Variants in NLGN1 observed in about 807,000 individuals in gnomAD.
NLGN1 encodes neuroligin-1.
In NLGN1, 12 loss-of-function variants were observed where a neutral mutation model predicts 65.5. The ratio of observed to expected loss-of-function variants is 0.18; its 90% CI spans 0.12 to 0.30. The LOEUF (loss-of-function observed/expected upper bound fraction) is 0.30, where lower values mean the gene tolerates loss of function less well. Among genes scored for constraint, NLGN1 ranks in the 10% least tolerant of loss-of-function variants. The pLI is 1.00. For missense variants in NLGN1, 750 were observed against 1,007.1 expected (o/e 0.74, Z 3.46); for synonymous variants, 350 against 359.5 (o/e 0.97, Z 0.30).
chr3:174,066,564 C>CTCTCTCTCTGTG (rs1553925385), intron 4 of NLGN1, among the ~76,000 whole-genome samples: 51 of 100,078 alleles, frequency 5.1e-4, no homozygotes, highest in African/African-American at 1.1e-3. Context: ...CTCTCTCTCT[C>CTCTCTCTCTGTG]TGTGTGTGTG....
At chr3:173,880,320 A>C (rs939547840) in intron 4 of NLGN1, among the ~76,000 whole-genome samples, 6 of 152,152 alleles carry the variant, frequency 3.9e-5, no homozygotes, top group African/African-American at 1.4e-4. Flanking sequence ...AAAATGATGA[A>C]GGTAGATGTT....
At chr3:174,099,962 A>C (rs1712025192) in intron 4 of NLGN1, among the ~76,000 whole-genome samples, 1 of 152,138 alleles carries the variant, frequency 6.6e-6, no homozygotes, top group Non-Finnish European at 1.5e-5. Flanking sequence ...TTGATGCATC[A>C]TCTTTAAAGA....
chr3:173,409,978 G>C (rs1712169098), intron 1 of NLGN1, among the ~76,000 whole-genome samples: 2 of 152,104 alleles, frequency 1.3e-5, no homozygotes. Flanking sequence ...ATTTGGGTCT[G>C]GGAAAGGGGT....
chr3:174,049,746 G>A (rs747189012), intron 4 of NLGN1, among the ~76,000 whole-genome samples: 2 of 152,108 alleles, frequency 1.3e-5, no homozygotes, highest in Non-Finnish European at 2.9e-5. Context: ...ATGTAAATAC[G>A]ATTATTCATT....
At position 174,117,432 on chromosome 3, in the gene NLGN1, C is replaced by T. The variant is rs551821299; in HGVS notation, c.647-157883C>T. On this transcript the variant is annotated intron_variant, in intron 4 of 6. Transcript: ENST00000457714. The stretch of plus-strand genomic sequence containing the variant: ...GAGATCGAGACCATCCTGGCTAACA[C>T]GGTGAAACCTCGTCTCTACTAAAAA... 4.6e-5 allele frequency among the ~76,000 whole-genome samples: 7 copies of T among 151,776 alleles called. No individual in the cohort carries two copies. In the East Asian group the frequency reaches 9.8e-4, roughly 21 times the overall value.
chr3:173,902,570 C>T (rs1238940496), intron 4 of NLGN1, among the ~76,000 whole-genome samples: 1 of 152,054 alleles, frequency 6.6e-6, no homozygotes, highest in African/African-American at 2.4e-5. Flanking sequence ...TTTGAGTAAC[C>T]TGTGGCTACT....
chr3:173,974,466 G>C (rs1716978536), intron 4 of NLGN1, among the ~76,000 whole-genome samples: 2 of 151,916 alleles, frequency 1.3e-5, no homozygotes. Context: ...TCTCCAAAGA[G>C]AACATCATTG....
intron 4 of NLGN1, among the ~76,000 whole-genome samples, chr3:173,808,860 A>G (rs143766090): frequency 7.6e-4 from 115 of 152,290 alleles, no homozygotes; most frequent in Middle Eastern, 6.8e-3. Flanking sequence ...TGGTAGTATC[A>G]TATCTTTTAT....
intron 3 of NLGN1, among the ~76,000 whole-genome samples, chr3:173,611,875 G>A (rs569656448): frequency 6.6e-6 from 1 of 152,170 alleles, no homozygotes; most frequent in Non-Finnish European, 1.5e-5. Context: ...CCAGCAGAAA[G>A]AGTTATGCTA....
intron 4 of NLGN1, among the ~76,000 whole-genome samples, chr3:173,977,935 A>G (rs1560765127): frequency 6.6e-6 from 1 of 152,042 alleles, no homozygotes; most frequent in Admixed American, 6.6e-5. Flanking sequence ...GCAACCTTAG[A>G]GGAATGTCAA....
rs189793117 is a variant in NLGN1, at chr3:173,742,984, A to G, written c.494-64696A>G. Among the ~76,000 whole-genome samples, 339 of 152,250 alleles carry G rather than the reference A, an allele frequency of 2.2e-3. 1 individual carries two copies. The highest frequency in any genetic ancestry group is 2.3e-3 in the Non-Finnish European group (155 of 68,010). ...AATACATACACCCATAATCTTCAAT[A>G]TAGAGATTGCCTGGCTAGACCTATG... On this transcript the variant is annotated intron_variant, in intron 3 of 6. Coordinates refer to ENST00000457714, the Ensembl canonical transcript of NLGN1.
intron 4 of NLGN1, among the ~76,000 whole-genome samples, chr3:174,044,878 A>G (rs1430063493): frequency 6.6e-6 from 1 of 152,146 alleles, no homozygotes; most frequent in African/African-American, 2.4e-5. Flanking sequence ...CAATGATCTT[A>G]TAAGGGGTTT....
intron 2 of NLGN1, among the ~76,000 whole-genome samples, chr3:173,530,446 G>A (rs1276164273): frequency 6.6e-6 from 1 of 152,116 alleles, no homozygotes; most frequent in African/African-American, 2.4e-5. Flanking sequence ...CTCACCTAGG[G>A]GAGAGATATT....
At chr3:173,865,176 A>T (rs1368335331) in intron 4 of NLGN1, among the ~76,000 whole-genome samples, 1 of 152,098 alleles carries the variant, frequency 6.6e-6, no homozygotes, top group East Asian at 1.9e-4. Context: ...TTTAGTGTGA[A>T]GTAAATGTAA....
At chr3:173,785,554 A>C (rs1781819162) in intron 3 of NLGN1, among the ~76,000 whole-genome samples, 1 of 152,188 alleles carries the variant, frequency 6.6e-6, no homozygotes, top group East Asian at 1.9e-4. Flanking sequence ...TCAGTACTAG[A>C]TAAATTTTAA....
At chr3:174,078,711 A>T (rs908982287) in intron 4 of NLGN1, among the ~76,000 whole-genome samples, 1 of 152,156 alleles carries the variant, frequency 6.6e-6, no homozygotes, top group Admixed American at 6.5e-5. Context: ...TAAGGTTGGA[A>T]ATTACTTTCT....
intron 4 of NLGN1, among the ~76,000 whole-genome samples, chr3:173,972,445 A>C (rs1321826231): frequency 1.3e-5 from 2 of 152,180 alleles, no homozygotes; most frequent in African/African-American, 4.8e-5. Context: ...AATAATGTAC[A>C]AATCACACTT....
chr3:173,908,008 C>T (rs1388563010), intron 4 of NLGN1, among the ~76,000 whole-genome samples: 1 of 152,340 alleles, frequency 6.6e-6, no homozygotes, highest in Non-Finnish European at 1.5e-5. Flanking sequence ...GCGTGAGCCA[C>T]CACGCCCAGC....
chr3:173,825,615 A>C (rs958518110), intron 4 of NLGN1, among the ~76,000 whole-genome samples: 2 of 152,090 alleles, frequency 1.3e-5, no homozygotes, highest in African/African-American at 4.8e-5. Context: ...GTGGAAGCTT[A>C]CCTCTATTTA....
Sources: gnomAD v4.1 joint callset for allele counts (sites outside exome capture counted in the v4.1 genomes callset) on GRCh38, gnomAD v4.1.1 for gene constraint, MANE v1.5 for transcripts, NCBI Gene and HGNC (gene_info 2026-07-23, HGNC 2026-07-21) for gene names.